IQCM: variants seen among roughly 807,000 people sequenced by gnomAD.
IQCM encodes the protein IQ domain-containing protein M.
In IQCM, 45 loss-of-function variants were observed where a neutral mutation model predicts 57.6. The observed-to-expected ratio is 0.78, with a 90% CI of 0.62 to 1.00. The LOEUF is 1.00. IQCM is among the 50% of genes least tolerant of loss of function. The pLI is 0.00. For missense variants in IQCM, 468 were observed against 511.6 expected (o/e 0.91, Z 0.82); for synonymous variants, 148 against 158.9 (o/e 0.93, Z 0.51).
intron 8 of IQCM, among the ~76,000 whole-genome samples, chr4:149,595,028 G>T (rs188905812): frequency 6.6e-6 from 1 of 152,044 alleles, no homozygotes; most frequent in South Asian, 2.1e-4. Context: ...TTTCTGTCTC[G>T]TTGATCTGTC....
chr4:149,719,113 G>A (rs985660243), intron 5 of IQCM, among the ~76,000 whole-genome samples: 2 of 152,062 alleles, frequency 1.3e-5, no homozygotes, highest in African/African-American at 2.4e-5. Context: ...GGGAGGCCGA[G>A]GTGGGCAGAT....
intron 7 of IQCM, among the ~76,000 whole-genome samples, chr4:149,669,389 T>C (rs1386809842): frequency 6.6e-6 from 1 of 152,202 alleles, no homozygotes; most frequent in African/African-American, 2.4e-5. Context: ...CTTTGTCAGA[T>C]GGGTAGATTG....
chr4:149,354,934 A>G (rs1429945113), intron 13 of IQCM, among the ~76,000 whole-genome samples: 2 of 152,182 alleles, frequency 1.3e-5, no homozygotes, highest in Admixed American at 1.3e-4. Flanking sequence ...GTGAGAGTAC[A>G]TGGGAACACT....
intron 2 of IQCM, among the ~76,000 whole-genome samples, chr4:149,744,296 T>C (rs1767724736): frequency 6.6e-6 from 1 of 152,224 alleles, no homozygotes; most frequent in Non-Finnish European, 1.5e-5. Flanking sequence ...TAAATTAAAA[T>C]ACTGCATCTC....
Position 149,727,554 on chromosome 4 carries a change from T to C in IQCM, c.385+5690A>G, listed in dbSNP as rs572349684. 2.0e-5 allele frequency among the ~76,000 whole-genome samples: 3 copies of C among 152,310 alleles called. No homozygotes were observed. In the South Asian group the frequency reaches 6.2e-4, roughly 32 times the overall value. ...ACTAATGTGAAATTTTTTTCTGAGT[T>C]GACCATCATTATAAGATACTGGTTG... On this transcript the variant is annotated intron_variant, in intron 5 of 13. Coordinates refer to ENST00000636793, the MANE Select transcript of IQCM (RefSeq NM_001363507.2).
intron 12 of IQCM, among the ~76,000 whole-genome samples, chr4:149,506,594 T>C (rs938683539): frequency 6.6e-6 from 1 of 152,014 alleles, no homozygotes; most frequent in Admixed American, 6.6e-5. Context: ...GAGAAAATAA[T>C]AAAAGGCTAG....
At chr4:149,437,017 C>T (rs192318208) in intron 12 of IQCM, among the ~76,000 whole-genome samples, 1 of 152,194 alleles carries the variant, frequency 6.6e-6, no homozygotes, top group African/African-American at 2.4e-5. Flanking sequence ...CATCACAGCT[C>T]AAGATACTGA....
intron 12 of IQCM, among the ~76,000 whole-genome samples, chr4:149,509,273 T>C (rs1312117553): frequency 6.6e-6 from 1 of 151,962 alleles, no homozygotes; most frequent in Admixed American, 6.6e-5. Context: ...TGACTTTTTC[T>C]TTTTTCTTTT....
At chr4:149,537,997 C>T (rs1276782594) in intron 12 of IQCM, among the ~76,000 whole-genome samples, 1 of 150,710 alleles carries the variant, frequency 6.6e-6, no homozygotes, top group Non-Finnish European at 1.5e-5. Context: ...TAATGAAGAG[C>T]AAAGGAAATC....
intron 13 of IQCM, among the ~76,000 whole-genome samples, chr4:149,405,011 T>C (rs954753813): frequency 3.9e-5 from 6 of 152,084 alleles, no homozygotes; most frequent in Non-Finnish European, 7.3e-5. Flanking sequence ...TCAGGAAATG[T>C]ATAAAACTGT....
intron 5 of IQCM, among the ~76,000 whole-genome samples, chr4:149,691,348 G>A (rs1034748926): frequency 6.6e-6 from 1 of 152,132 alleles, no homozygotes; most frequent in Non-Finnish European, 1.5e-5. Context: ...CAATATTCCT[G>A]TTTGTTTACT....
chr4:149,702,300 TCACACACA>T (rs3085128), intron 5 of IQCM, among the ~76,000 whole-genome samples: 5 of 145,950 alleles, frequency 3.4e-5, no homozygotes, highest in East Asian at 2.0e-4. Context: ...CTCCCTCACT[TCACACACA>T]CACACACACA....
At chr4:149,751,233 C>CA (rs1768403230) in intron 2 of IQCM, among the ~76,000 whole-genome samples, 1 of 152,160 alleles carries the variant, frequency 6.6e-6, no homozygotes, top group South Asian at 2.1e-4. Context: ...CCTGATGAAG[C>CA]AAGAATCCCC....
intron 13 of IQCM, among the ~76,000 whole-genome samples, chr4:149,365,762 A>G (rs933525229): frequency 6.6e-6 from 1 of 152,170 alleles, no homozygotes; most frequent in Admixed American, 6.6e-5. Context: ...ATTGAGGGAC[A>G]TTCTACAAAA....
At position 149,784,379 on chromosome 4, in the gene IQCM, C is replaced by T. The variant is rs762986853; in HGVS notation, c.-49+30932G>A. On this transcript the variant is annotated intron_variant, in intron 2 of 13. Coordinates refer to ENST00000636793, the MANE Select transcript of IQCM (RefSeq NM_001363507.2). ...CTCCTTAGCTCACAACCCTCACCTT[C>T]TTTAGATCCTTAGTCAAAGATCATT... is the stretch of plus-strand genomic sequence containing the variant. Among the ~76,000 whole-genome samples, 4 of 152,200 alleles carry T rather than the reference C, an allele frequency of 2.6e-5. 1 individual carries two copies. The highest frequency in any genetic ancestry group is 5.9e-5 in the Non-Finnish European group (4 of 68,030).
At chr4:149,544,752 G>A (rs187151992) in intron 12 of IQCM, among the ~76,000 whole-genome samples, 1 of 152,234 alleles carries the variant, frequency 6.6e-6, no homozygotes, top group East Asian at 1.9e-4. Context: ...GCATTTATAT[G>A]CAACTAATTT....
intron 13 of IQCM, among the ~76,000 whole-genome samples, chr4:149,381,883 T>C (rs2111037007): frequency 6.6e-6 from 1 of 152,200 alleles, no homozygotes; most frequent in Admixed American, 6.5e-5. Context: ...TGAGTGATTC[T>C]CCTACCTCAG....
intron 7 of IQCM, among the ~76,000 whole-genome samples, chr4:149,626,246 T>G (rs1202807705): frequency 6.6e-6 from 1 of 151,884 alleles, no homozygotes; most frequent in Admixed American, 6.6e-5. Flanking sequence ...CTTTCTCCCA[T>G]GCTGGATGCT....
At chr4:149,716,529 T>C (rs188610864) in intron 5 of IQCM, among the ~76,000 whole-genome samples, 293 of 152,226 alleles carry the variant, frequency 1.9e-3, no homozygotes, top group Non-Finnish European at 2.7e-3. Flanking sequence ...GGCAAGATCC[T>C]CCAACGCGGA....
Sources: gnomAD v4.1 joint callset for allele counts (sites outside exome capture counted in the v4.1 genomes callset) on GRCh38, gnomAD v4.1.1 for gene constraint, MANE v1.5 for transcripts, NCBI Gene and HGNC (gene_info 2026-07-23, HGNC 2026-07-21) for gene names.